DGLUCY: variants seen among roughly 807,000 people sequenced by gnomAD.
DGLUCY encodes D-glutamate cyclase, also known as D-glutamate cyclase, mitochondrial.
Under a neutral mutation model 58.5 loss-of-function variants are expected in DGLUCY, and 58 were observed. The ratio of observed to expected loss-of-function variants is 0.99; its 90% confidence interval spans 0.80 to 1.23. The LOEUF is 1.23. DGLUCY is among the 50% of genes most tolerant of loss of function. The pLI is 0.00. For missense variants in DGLUCY, 779 were observed against 784.7 expected (o/e 0.99, Z 0.09); for synonymous variants, 325 against 314.1 (o/e 1.03, Z -0.37).
intron 2 of DGLUCY, among the ~76,000 whole-genome samples, chr14:91,159,895 C>T (rs919192155): frequency 2.6e-5 from 4 of 152,012 alleles, no homozygotes; most frequent in Admixed American, 2.6e-4. Flanking sequence ...CCCTCGAGGC[C>T]CTAGGGAGAG....
At chr14:91,111,446 C>G (rs2044700323), upstream of DGLUCY, among the ~76,000 whole-genome samples, 2 of 151,992 alleles carry the variant, frequency 1.3e-5, no homozygotes, top group South Asian at 4.1e-4. Flanking sequence ...CCACACCCAG[C>G]TAATTTTTGT....
chr14:91,159,835 C>A (rs1397705238), intron 2 of DGLUCY, among the ~76,000 whole-genome samples: 3 of 152,218 alleles, frequency 2.0e-5, no homozygotes, highest in Non-Finnish European at 4.4e-5. Context: ...TGTGCATAGG[C>A]TGTGATGGGT....
At chr14:91,182,089 T>C (rs552893937) in intron 8 of DGLUCY, among the ~76,000 whole-genome samples, 2 of 152,270 alleles carry the variant, frequency 1.3e-5, no homozygotes, top group African/African-American at 4.8e-5. Flanking sequence ...CAAGTGATTC[T>C]CCTGCCTCAG....
chr14:91,065,857 A>C (rs906071626), intron 1 of DGLUCY, among the ~76,000 whole-genome samples: 1 of 152,142 alleles, frequency 6.6e-6, no homozygotes, highest in Non-Finnish European at 1.5e-5. Flanking sequence ...AATGAGGAAA[A>C]GTTGTTGAAC....
intron 4 of DGLUCY, among the ~76,000 whole-genome samples, chr14:91,168,966 G>A (rs2048425078): frequency 6.6e-6 from 1 of 151,970 alleles, no homozygotes; most frequent in South Asian, 2.1e-4. Flanking sequence ...TCGGGCCTAT[G>A]ATCTCAGCTA....
At chr14:91,062,857 G>A (rs2043756006) in intron 1 of DGLUCY, among the ~76,000 whole-genome samples, 3 of 151,890 alleles carry the variant, frequency 2.0e-5, no homozygotes, top group African/African-American at 4.8e-5. Flanking sequence ...TTTGGAGCCA[G>A]GCAATGACTG....
chr14:91,095,834 A>G (rs1006441338), intron 1 of DGLUCY, among the ~76,000 whole-genome samples: 2 of 151,128 alleles, frequency 1.3e-5, no homozygotes, highest in African/African-American at 4.9e-5. Flanking sequence ...CACATCTTCT[A>G]TATCTTTGTC....
chr14:91,129,459 G>A (rs2045908960), intron 1 of DGLUCY, among the ~76,000 whole-genome samples: 1 of 151,938 alleles, frequency 6.6e-6, no homozygotes, highest in African/African-American at 2.4e-5. Context: ...ATGCTAGCCG[G>A]GTATGGTGAC....
intron 13 of DGLUCY, 136 bp from the exon 14 acceptor site, chr14:91,224,548 C>G (rs111530358): frequency 1.9e-6 from 2 of 1,042,500 alleles, no homozygotes; most frequent in South Asian, 1.9e-5. Flanking sequence ...GGTATTAGTA[C>G]TTTAAACCAA....
intron 1 of DGLUCY, among the ~76,000 whole-genome samples, chr14:91,093,999 G>A (rs2044353538): frequency 6.6e-6 from 1 of 152,106 alleles, no homozygotes. Context: ...GTTTCCATGT[G>A]GGGTGATGAA....
chr14:91,080,010 A>C (rs1252979236), intron 1 of DGLUCY, among the ~76,000 whole-genome samples: 1 of 152,126 alleles, frequency 6.6e-6, no homozygotes, highest in African/African-American at 2.4e-5. Flanking sequence ...TGTCCTTATG[A>C]GTTTGCCTAT....
chr14:91,215,261 AT>A, intron 12 of DGLUCY, 143 bp from the exon 13 acceptor site: 1 of 1,371,296 alleles, frequency 7.3e-7, no homozygotes, highest in South Asian at 1.8e-5. Flanking sequence ...GGGCCAAAGA[AT>A]TTGTGTTTCT....
intron 7 of DGLUCY, among the ~76,000 whole-genome samples, chr14:91,177,804 T>C (rs547217009): frequency 3.3e-5 from 5 of 152,346 alleles, no homozygotes; most frequent in African/African-American, 1.2e-4. Flanking sequence ...AGGATTCCAT[T>C]TGTTCATTTA....
rs568804354 is a variant in DGLUCY, at chr14:91,141,867, A to G, written c.-81-15772A>G. ...CGCCCGGCCTTTTTTTTTTTTTCAG[A>G]CAGAGTCTTGCTCTGTCGCCTAGGC... On this transcript the variant is annotated intron_variant, in intron 1 of 13. Coordinates refer to ENST00000256324, the MANE Select transcript of DGLUCY (RefSeq NM_001102368.3). Among the ~76,000 whole-genome samples, 4 of 130,914 alleles carry G rather than the reference A, an allele frequency of 3.1e-5. No homozygotes were observed. The East Asian group carries it at 6.9e-4, about 22-fold the overall frequency. 85.9% of individuals were successfully genotyped at this position (130,914 alleles called of 152,430 possible).
At chr14:91,220,171 G>A (rs756628214) in intron 13 of DGLUCY, among the ~76,000 whole-genome samples, 6 of 152,230 alleles carry the variant, frequency 3.9e-5, no homozygotes, top group African/African-American at 1.4e-4. Context: ...TAGGAAGGTC[G>A]CAGGCCCTGG....
At position 91,181,347 on chromosome 14, in the gene DGLUCY, CAGA is replaced by C. The variant is rs2049155918; in HGVS notation, c.896_898del (p.Lys299del). On this transcript the variant is annotated inframe_deletion, in exon 8 of 14. Coordinates refer to ENST00000256324, the MANE Select transcript of DGLUCY (RefSeq NM_001102368.3). Reference sequence around the variant, plus strand: ...CAGCATCGCGTCAGTCTCTGCTTCTCAGAAGATCAGAGAACTAGAGTCTATGAT... The same window carrying C: ...CAGCATCGCGTCAGTCTCTGCTTCTCAGATCAGAGAACTAGAGTCTATGAT... The C allele has an allele frequency of 1.2e-6, 2 of 1,613,944 alleles. No individual in the cohort carries two copies. The highest frequency in any genetic ancestry group is 3.3e-5 in the Admixed American group (2 of 60,004).
chr14:91,184,582 G>A (rs969953996), intron 8 of DGLUCY, among the ~76,000 whole-genome samples: 85 of 116,732 alleles, frequency 7.3e-4, no homozygotes, highest in Middle Eastern at 4.0e-3. Context: ...AAAGTTGGGG[G>A]GGGGGAGGGA....
At chr14:91,219,456 G>A (rs933701651) in intron 13 of DGLUCY, among the ~76,000 whole-genome samples, 11 of 152,260 alleles carry the variant, frequency 7.2e-5, no homozygotes, top group Non-Finnish European at 1.2e-4. Flanking sequence ...AGGTCACTAC[G>A]TGGGGGTCCT....
chr14:91,170,833 C>T (rs1283296417), intron 5 of DGLUCY, among the ~76,000 whole-genome samples: 1 of 152,246 alleles, frequency 6.6e-6, no homozygotes, highest in Non-Finnish European at 1.5e-5. Context: ...CAGTGGTCAG[C>T]CAGCATAAAC....
Sources: gnomAD v4.1 joint callset for allele counts (sites outside exome capture counted in the v4.1 genomes callset) on GRCh38, gnomAD v4.1.1 for gene constraint, MANE v1.5 for transcripts, NCBI Gene and HGNC (gene_info 2026-07-23, HGNC 2026-07-21) for gene names.